SIPA1L2: variants seen among roughly 807,000 people sequenced by gnomAD.
SIPA1L2 encodes the protein signal induced proliferation associated 1 like 2.
Under a neutral mutation model 163.9 loss-of-function variants are expected in SIPA1L2, and 56 were observed. That is an observed-to-expected ratio of 0.34 (90% CI 0.28 to 0.43). The LOEUF is 0.43. Among genes scored for constraint, SIPA1L2 ranks in the 20% least tolerant of loss-of-function variants. The probability of loss-of-function intolerance (pLI) is 1.00; values close to 1 mark genes in which losing one functional copy is unlikely to be tolerated. For synonymous variants in SIPA1L2, 877 were observed against 865.7 expected (o/e 1.01, Z -0.23); for missense variants, 1,974 against 2,193.5 (o/e 0.90, Z 2.00).
chr1:232,425,428 G>A (rs1476186452), intron 18 of SIPA1L2, among the ~76,000 whole-genome samples, 161 bp downstream of exon 18: 1 of 152,100 alleles, frequency 6.6e-6, no homozygotes, highest in East Asian at 1.9e-4. Flanking sequence ...CCACTCTGGG[G>A]CTTCTATATT....
intron 19 of SIPA1L2, among the ~76,000 whole-genome samples, chr1:232,411,473 T>A (rs548614275): frequency 1.3e-5 from 2 of 152,300 alleles, no homozygotes; most frequent in South Asian, 4.1e-4. Context: ...TCTAACATGG[T>A]TCATTTGTAC....
In SIPA1L2 at chr1:232,445,573, A is replaced by G; in HGVS notation, c.3309T>C (p.Ile1103=). The change falls in exon 11 of 23, where the codon ATT becomes ATC. Residue 1103 remains isoleucine, a synonymous_variant. Coordinates refer to ENST00000674635, the MANE Select transcript of SIPA1L2 (RefSeq NM_020808.5). The part of the protein sequence containing the change: ...QQLLQQAQAA[I]PRSTSFDRKL... ...TCCGGTCGAAGGAGGTGCTTCGAGG[A>G]ATGGCAGCCTGGGCCTGCTGGAGCA... is the stretch of plus-strand genomic sequence containing the variant. The G allele has an allele frequency of 6.2e-7, 1 of 1,614,002 alleles. No homozygotes were observed. Among genetic ancestry groups the G allele is most frequent in the Non-Finnish European group, 8.5e-7 (1 of 1,179,990 alleles).
intron 14 of SIPA1L2, among the ~76,000 whole-genome samples, chr1:232,439,774 C>A (rs1662781966): frequency 6.6e-6 from 1 of 152,148 alleles, no homozygotes; most frequent in South Asian, 2.1e-4. Flanking sequence ...CACAGTGTCA[C>A]TAGCAAAGAA....
chr1:232,486,244 G>A (rs1665642320), intron 5 of SIPA1L2, among the ~76,000 whole-genome samples: 2 of 152,180 alleles, frequency 1.3e-5, no homozygotes, highest in South Asian at 4.2e-4. Flanking sequence ...CTCTGACTCG[G>A]AGAGCCTTGT....
At chr1:232,530,962 G>A (rs1656880387) in intron 2 of SIPA1L2, among the ~76,000 whole-genome samples, 2 of 152,152 alleles carry the variant, frequency 1.3e-5, no homozygotes, top group South Asian at 2.1e-4. Flanking sequence ...AATTGGGAAC[G>A]CTCTAGAAAT....
rs943403948 is a variant in SIPA1L2 at position 232,544,975 on chromosome 1, G to A, written c.-270+29199C>T. 4.6e-5 allele frequency among the ~76,000 whole-genome samples: 7 copies of A among 152,102 alleles called. No individual in the cohort carries two copies. In the South Asian group the frequency reaches 6.2e-4, roughly 14 times the overall value. ...TAACAGGAATTATACACCTGTAAAC[G>A]GGACAGGCCCAGTGACACAACTGTC... On this transcript the variant is annotated intron_variant, in intron 2 of 22. Transcript: ENST00000674635.
intron 1 of SIPA1L2, among the ~76,000 whole-genome samples, chr1:232,598,974 A>AAC (rs1470866280): frequency 1.7e-4 from 24 of 139,894 alleles, no homozygotes; most frequent in African/African-American, 6.1e-4. Context: ...AAAAAAAAAA[A>AAC]AAAAAAAAAC....
chr1:232,439,034 G>A (rs1662730946), intron 15 of SIPA1L2, 74 bp downstream of exon 15: 1 of 1,475,102 alleles, frequency 6.8e-7, no homozygotes. Context: ...TACAGTTCAG[G>A]CTTCTGCCCT....
At chr1:232,507,518 G>A (rs539942617) in intron 3 of SIPA1L2, among the ~76,000 whole-genome samples, 1 of 152,274 alleles carries the variant, frequency 6.6e-6, no homozygotes, top group South Asian at 2.1e-4. Flanking sequence ...GGAAGGTGGT[G>A]GGACACTGAC....
chr1:232,547,932 G>A (rs1457900654), intron 2 of SIPA1L2, among the ~76,000 whole-genome samples: 1 of 152,158 alleles, frequency 6.6e-6, no homozygotes, highest in African/African-American at 2.4e-5. Context: ...GTTCTCAGTG[G>A]CAGCTTCAAC....
At chr1:232,408,013 C>A (rs574446560) in intron 19 of SIPA1L2, among the ~76,000 whole-genome samples, 56 of 152,168 alleles carry the variant, frequency 3.7e-4, no homozygotes, top group Non-Finnish European at 6.5e-4. Flanking sequence ...TATCAGGTAC[C>A]CCCAAACTTG....
At chr1:232,536,964 G>A (rs576740634) in intron 2 of SIPA1L2, among the ~76,000 whole-genome samples, 17 of 152,276 alleles carry the variant, frequency 1.1e-4, no homozygotes, top group African/African-American at 2.4e-4. Flanking sequence ...GGCCAAGCAC[G>A]GTGGCTCACG....
At chr1:232,544,560 CA>C (rs56028740) in intron 2 of SIPA1L2, among the ~76,000 whole-genome samples, 13 of 147,726 alleles carry the variant, frequency 8.8e-5, no homozygotes, top group South Asian at 4.3e-4. Context: ...ACTCCTGTCT[CA>C]AAAAAAAAAA....
intron 6 of SIPA1L2, among the ~76,000 whole-genome samples, chr1:232,480,672 G>A (rs1665302236): frequency 6.6e-6 from 1 of 152,104 alleles, no homozygotes; most frequent in South Asian, 2.1e-4. Flanking sequence ...AAATGTAAAT[G>A]GAATTCAATT....
chr1:232,477,633 A>G (rs148509220), intron 7 of SIPA1L2, among the ~76,000 whole-genome samples: 1 of 152,130 alleles, frequency 6.6e-6, no homozygotes, highest in Non-Finnish European at 1.5e-5. Flanking sequence ...TCTATCCCCC[A>G]GTTGCATCTA....
At chr1:232,455,628 GCGGAGCTTGCAGCGAGC>G (rs1438486567) in intron 10 of SIPA1L2, among the ~76,000 whole-genome samples, 11 of 92,988 alleles carry the variant, frequency 1.2e-4, no homozygotes, top group East Asian at 5.3e-4. Context: ...TTGCAGCGAG[GCGGAGCTTGCAGCGAGC>G]CGGAGCTTGC....
intron 1 of SIPA1L2, among the ~76,000 whole-genome samples, chr1:232,611,998 T>TG (rs1002470767): frequency 3.3e-5 from 5 of 152,150 alleles, no homozygotes; most frequent in African/African-American, 1.2e-4. Flanking sequence ...CTTACAGACT[T>TG]GGTGCCCTGT....
intron 11 of SIPA1L2, among the ~76,000 whole-genome samples, chr1:232,445,271 G>A (rs1463404109): frequency 6.6e-6 from 1 of 152,178 alleles, no homozygotes; most frequent in Admixed American, 6.5e-5. Context: ...CAGTGGACAT[G>A]GAGGAAGGAT....
At chr1:232,627,113 T>C (rs1663119500) in intron 1 of SIPA1L2, among the ~76,000 whole-genome samples, 1 of 152,166 alleles carries the variant, frequency 6.6e-6, no homozygotes, top group Admixed American at 6.5e-5. Flanking sequence ...AAATTCAGTG[T>C]GTCTTTAAAA....
Sources: gnomAD v4.1 joint callset for allele counts (sites outside exome capture counted in the v4.1 genomes callset) on GRCh38, gnomAD v4.1.1 for gene constraint, MANE v1.5 for transcripts, NCBI Gene and HGNC (gene_info 2026-07-23, HGNC 2026-07-21) for gene names.